Variants in RELN observed in about 807,000 individuals in gnomAD.
The protein encoded by RELN is reelin.
In RELN, 108 loss-of-function variants were observed where a neutral mutation model predicts 427.6. The observed-to-expected ratio is 0.25, with a 90% CI of 0.22 to 0.30. The LOEUF is 0.30. Among genes scored for constraint, RELN ranks in the 10% least tolerant of loss-of-function variants. The probability of loss-of-function intolerance (pLI) is 1.00; values close to 1 mark genes in which losing one functional copy is unlikely to be tolerated. For missense variants in RELN, 3,715 were observed against 4,302.8 expected, an observed-to-expected ratio of 0.86 and a Z score of 3.82; for synonymous variants, 1,524 against 1,513.4, an observed-to-expected ratio of 1.01 and a Z score of -0.16.
In RELN at chr7:103,697,913, T is replaced by C; in HGVS notation, c.1083A>G (p.Glu361=). The change falls in exon 10 of 65, where the codon GAA becomes GAG. Residue 361 remains glutamate (E), a synonymous_variant. Coordinates refer to ENST00000428762, the MANE Select transcript of RELN (RefSeq NM_005045.4). ...INSAHRQVVL[E]DSLDPVDTGN... ...CTGTGTCCACTGGGTCGAGACTATC[T>C]TCTAAAACGACTTGTCTGTGAGCTG... 6.2e-7 allele frequency: 1 copy of C among 1,613,802 alleles called. No homozygotes were observed. The highest frequency in any genetic ancestry group is 8.5e-7 in the Non-Finnish European group (1 of 1,179,836).
At position 103,885,703 on chromosome 7, in the gene RELN, G is replaced by A. The variant is rs1584332542; in HGVS notation, c.337+31372C>T. 3.3e-5 allele frequency among the ~76,000 whole-genome samples: 5 copies of A among 152,204 alleles called. 1 individual carries two copies. The highest frequency in any genetic ancestry group is 2.1e-4 in the South Asian group (1 of 4,820). ...GTATGCCTATGTAACAAACCTGCACGTTCTGCACATGTATCCCAGAACTTA... is the reference window on the plus strand; with the variant it reads ...GTATGCCTATGTAACAAACCTGCACATTCTGCACATGTATCCCAGAACTTA... On this transcript the variant is annotated intron_variant, in intron 2 of 64. Coordinates refer to ENST00000428762, the MANE Select transcript of RELN (RefSeq NM_005045.4).
chr7:103,519,600 T>TTTTTTTTTA (rs1829654169), intron 48 of RELN, 84 bp from the exon 49 acceptor site: 1 of 999,140 alleles, frequency 1.0e-6, no homozygotes, highest in African/African-American at 1.6e-5. Context: ...TTTTTTTTTT[T>TTTTTTTTTA]GAGACAGGGT....
At chr7:103,794,251 C>T (rs1792241927) in intron 3 of RELN, among the ~76,000 whole-genome samples, 1 of 152,142 alleles carries the variant, frequency 6.6e-6, no homozygotes, top group African/African-American at 2.4e-5. Flanking sequence ...GGTTCAGGCA[C>T]ACATGATTCC....
At chr7:103,701,827 A>G (rs760297968) in intron 8 of RELN, among the ~76,000 whole-genome samples, 6 of 151,970 alleles carry the variant, frequency 3.9e-5, no homozygotes, top group Non-Finnish European at 7.4e-5. Context: ...AATGAACCAA[A>G]ACAAAAAAAA....
chr7:103,489,077 C>T (rs1412505154), intron 60 of RELN, among the ~76,000 whole-genome samples: 1 of 152,150 alleles, frequency 6.6e-6, no homozygotes, highest in African/African-American at 2.4e-5. Context: ...GCCTGCATAC[C>T]TTCTAACAGA....
intron 6 of RELN, among the ~76,000 whole-genome samples, chr7:103,735,238 T>C: frequency 6.6e-6 from 1 of 152,326 alleles, no homozygotes; most frequent in African/African-American, 2.4e-5. Context: ...ATTTTGTTAT[T>C]AGTTCTCTAT....
At chr7:103,881,681 G>A (rs954617258) in intron 2 of RELN, among the ~76,000 whole-genome samples, 1 of 151,982 alleles carries the variant, frequency 6.6e-6, no homozygotes, top group South Asian at 2.1e-4. Context: ...AGCCATTCCA[G>A]CAGAGACACC....
intron 1 of RELN, among the ~76,000 whole-genome samples, chr7:103,949,462 G>A (rs1796289994): frequency 6.6e-6 from 1 of 151,986 alleles, no homozygotes; most frequent in Admixed American, 6.6e-5. Context: ...TCATAAACGA[G>A]GAGCCCTCAC....
chr7:103,568,900 C>T (rs1324422999), intron 31 of RELN, among the ~76,000 whole-genome samples: 1 of 152,150 alleles, frequency 6.6e-6, no homozygotes, highest in Non-Finnish European at 1.5e-5. Context: ...AAAGTATGGT[C>T]TGAGACCAGC....
Position 103,540,181 on chromosome 7 carries a change from TCCTGAAGGGACTGA to T in RELN, c.6930+2_6930+15del, listed in dbSNP as rs753557754. ...AAGTGACGACAATTAAAATAGTTAA[TCCTGAAGGGACTGA>T]CCTGATCGATAACCCAGGGGCTGTA... On this transcript the variant is annotated splice_donor_variant and splice_donor_5th_base_variant and intron_variant, in intron 44 of 64. Coordinates refer to ENST00000428762, the MANE Select transcript of RELN (RefSeq NM_005045.4). LOFTEE classifies it high-confidence loss of function. 2 of 1,614,022 alleles carry T rather than the reference TCCTGAAGGGACTGA, an allele frequency of 1.2e-6. No homozygotes were observed. The highest frequency in any genetic ancestry group is 1.7e-6 in the Non-Finnish European group (2 of 1,179,962).
intron 5 of RELN, 85 bp downstream of exon 5, chr7:103,753,097 C>A: frequency 7.4e-7 from 1 of 1,359,806 alleles, no homozygotes; most frequent in Non-Finnish European, 1.1e-6. Flanking sequence ...TTCCTTGCCT[C>A]TATAACATCT....
chr7:103,490,224 A>G (rs1828602705), intron 59 of RELN, among the ~76,000 whole-genome samples: 1 of 152,152 alleles, frequency 6.6e-6, no homozygotes, highest in South Asian at 2.1e-4. Context: ...CTGCTCTAGG[A>G]AGATTGCACT....
chr7:103,918,705 G>A (rs760670124), intron 1 of RELN, among the ~76,000 whole-genome samples: 3 of 152,108 alleles, frequency 2.0e-5, no homozygotes, highest in Non-Finnish European at 1.5e-5. Context: ...TCTTTAGCTT[G>A]TTTCCAGAGG....
chr7:103,679,952 A>T (rs1833618587), intron 11 of RELN, among the ~76,000 whole-genome samples: 1 of 152,188 alleles, frequency 6.6e-6, no homozygotes. Context: ...AGTGTTACTC[A>T]TAGAGAGCTG....
At chr7:103,808,414 T>TAAAAA (rs1467269899) in intron 3 of RELN, among the ~76,000 whole-genome samples, 11 of 151,446 alleles carry the variant, frequency 7.3e-5, no homozygotes, top group South Asian at 6.2e-4. Flanking sequence ...AGTATAATAA[T>TAAAAA]AGAAAACAAA....
At chr7:103,630,868 TTTTTTTG>T (rs1562931035) in intron 19 of RELN, among the ~76,000 whole-genome samples, 8 of 149,718 alleles carry the variant, frequency 5.3e-5, no homozygotes, top group African/African-American at 2.0e-4. Flanking sequence ...TTGTTTTTTT[TTTTTTTG>T]TTTTTTAACT....
At chr7:103,751,695 G>C (rs549483196) in intron 5 of RELN, among the ~76,000 whole-genome samples, 1 of 152,370 alleles carries the variant, frequency 6.6e-6, no homozygotes, top group Non-Finnish European at 1.5e-5. Context: ...TTGGCTGCCA[G>C]AAGGCATGCT....
rs183892453 is a variant in RELN at position 103,806,593 on chromosome 7, G to C, written c.473+26944C>G. ...ACCCACCTCAGCTTCCCAAAGTGCT[G>C]GGATTACAGGTGTGAGCCACCATGC... On this transcript the variant is annotated intron_variant, in intron 3 of 64. Transcript: ENST00000428762. Among the ~76,000 whole-genome samples the C allele has an allele frequency of 1.2e-3, 179 of 152,174 alleles. 3 individuals carry two copies. The highest frequency in any genetic ancestry group is 4.1e-3 in the African/African-American group (171 of 41,516).
chr7:103,919,706 C>G (rs1026415540), intron 1 of RELN, among the ~76,000 whole-genome samples: 2 of 152,182 alleles, frequency 1.3e-5, no homozygotes, highest in Non-Finnish European at 2.9e-5. Context: ...TTTCACTTGA[C>G]TCACTTTTCA....
Sources: allele counts gnomAD v4.1 joint callset (sites outside exome capture counted in the v4.1 genomes callset), GRCh38; gene constraint gnomAD v4.1.1; transcripts MANE v1.5; gene names NCBI Gene and HGNC (gene_info 2026-07-23, HGNC 2026-07-21).